Variants in TMEFF2 observed in about 807,000 individuals in gnomAD.
The protein encoded by TMEFF2 is transmembrane protein with EGF like and two follistatin like domains 2.
TMEFF2 carries 28 observed loss-of-function variants against 53.8 expected under a neutral mutation model. That is an observed-to-expected ratio of 0.52 (90% confidence interval 0.39 to 0.71). The LOEUF is 0.71. Among genes scored for constraint, TMEFF2 ranks in the 30% least tolerant of loss-of-function variants. The probability of loss-of-function intolerance (pLI) is 0.00; values close to 1 mark genes in which losing one functional copy is unlikely to be tolerated. For missense variants in TMEFF2, 353 were observed against 455.2 expected, an observed-to-expected ratio of 0.78 and a Z score of 2.04; for synonymous variants, 162 against 166.3, an observed-to-expected ratio of 0.97 and a Z score of 0.20.
At chr2:191,981,753 T>C (rs1262277213) in intron 7 of TMEFF2, among the ~76,000 whole-genome samples, 4 of 152,170 alleles carry the variant, frequency 2.6e-5, no homozygotes, top group Non-Finnish European at 5.9e-5. Flanking sequence ...CAAAAAGTCA[T>C]AACAAATATT....
rs2105784670 is a variant in TMEFF2, at chr2:191,953,882, CAT to C, written c.870-47_870-46del. 6.2e-5 allele frequency: 41 copies of C among 662,282 alleles called. No homozygotes were observed. In the South Asian group the frequency reaches 1.2e-3, roughly 19 times the overall value. The allele number at this position is 662,282 out of a possible 1,614,324, so 41.0% of individuals were successfully genotyped here. A position where few individuals can be genotyped will look rare whatever the true frequency, so the allele number is the denominator to read the frequency against. ...CCAGTTACCTGTAGGGTGCTGCATTCATTTTTTTTTTTTTTTTTTTTTTTTGA... is the reference window on the plus strand; with the variant it reads ...CCAGTTACCTGTAGGGTGCTGCATTCTTTTTTTTTTTTTTTTTTTTTTTGA... On this transcript the variant is annotated intron_variant, in intron 8 of 9. Coordinates refer to ENST00000272771, the MANE Select transcript of TMEFF2 (RefSeq NM_016192.4).
At chr2:192,101,517 A>G (rs7607912) in intron 4 of TMEFF2, among the ~76,000 whole-genome samples, 151,749 of 152,312 alleles carry the variant, frequency 1, 75,595 homozygotes, top group Middle Eastern at 1. Flanking sequence ...ACTCACTTTC[A>G]TGCCTAATTT....
Position 192,167,613 on chromosome 2 carries a change from G to C in TMEFF2, c.439+12055C>G, listed in dbSNP as rs1015696380. On this transcript the variant is annotated intron_variant, in intron 4 of 9. Coordinates refer to ENST00000272771, the MANE Select transcript of TMEFF2 (RefSeq NM_016192.4). ...TTGTTCTTTTACCTTCTTTTTCCAA[G>C]TTCTCCTTTTTATCCTCTACACTTA... Among the ~76,000 whole-genome samples the C allele has an allele frequency of 2.0e-5, 3 of 151,770 alleles. No homozygotes were observed. In the East Asian group the frequency reaches 5.8e-4, roughly 29 times the overall value.
chr2:192,167,116 C>T (rs10165928), intron 4 of TMEFF2, among the ~76,000 whole-genome samples: 85,284 of 151,926 alleles, frequency 0.56, 24,208 homozygotes, highest in East Asian at 0.63. Context: ...TTAAAAGTAC[C>T]GGAGTAGAAG....
intron 4 of TMEFF2, among the ~76,000 whole-genome samples, chr2:192,159,109 A>G (rs1690575071): frequency 6.6e-6 from 1 of 152,208 alleles, no homozygotes; most frequent in South Asian, 2.1e-4. Context: ...TGCTAAAAGC[A>G]TTGTAGATAA....
chr2:192,161,696 C>T (rs534665848), intron 4 of TMEFF2, among the ~76,000 whole-genome samples: 10 of 152,244 alleles, frequency 6.6e-5, no homozygotes, highest in African/African-American at 1.7e-4. Flanking sequence ...GCCATCCTTT[C>T]CCCAGTACAC....
chr2:192,179,527 G>A, intron 4 of TMEFF2, 141 bp downstream of exon 4: 1 of 835,082 alleles, frequency 1.2e-6, no homozygotes, highest in Non-Finnish European at 1.8e-6. Flanking sequence ...TTAATATGGT[G>A]ACAATTTTTT....
At chr2:192,114,979 G>C (rs1689367042) in intron 4 of TMEFF2, among the ~76,000 whole-genome samples, 1 of 151,836 alleles carries the variant, frequency 6.6e-6, no homozygotes, top group African/African-American at 2.4e-5. Flanking sequence ...TATAATCTTT[G>C]TCAACTAAAT....
chr2:192,165,603 A>G (rs1437499143), intron 4 of TMEFF2, among the ~76,000 whole-genome samples: 1 of 152,128 alleles, frequency 6.6e-6, no homozygotes, highest in Non-Finnish European at 1.5e-5. Context: ...TGTTTCTATA[A>G]TTACCCCCTT....
chr2:191,986,836 C>T (rs1160936963), intron 7 of TMEFF2, among the ~76,000 whole-genome samples: 21 of 135,832 alleles, frequency 1.5e-4, no homozygotes, highest in Admixed American at 4.1e-4. Context: ...CCAGGCTGGG[C>T]GACAGAGTGA....
intron 4 of TMEFF2, among the ~76,000 whole-genome samples, chr2:192,160,230 G>C (rs1431324062): frequency 6.6e-6 from 1 of 152,124 alleles, no homozygotes; most frequent in African/African-American, 2.4e-5. Flanking sequence ...CAATGTGAAG[G>C]CTGAAATATA....
At chr2:192,085,683 G>A (rs973310605) in intron 4 of TMEFF2, among the ~76,000 whole-genome samples, 1 of 147,518 alleles carries the variant, frequency 6.8e-6, no homozygotes, top group Non-Finnish European at 1.5e-5. Context: ...TATCTATGGA[G>A]ATAGAAAGTG....
At chr2:191,978,959 C>A (rs1472146961) in intron 7 of TMEFF2, among the ~76,000 whole-genome samples, 1 of 152,120 alleles carries the variant, frequency 6.6e-6, no homozygotes, top group Admixed American at 6.6e-5. Context: ...ATTAACTCCT[C>A]CAGGAGCTGG....
At chr2:192,034,121 G>A (rs1483156301) in intron 5 of TMEFF2, among the ~76,000 whole-genome samples, 1 of 145,804 alleles carries the variant, frequency 6.9e-6, no homozygotes, top group African/African-American at 2.6e-5. Flanking sequence ...CTTGCAGTGA[G>A]CCGAGATCGT....
At chr2:192,177,490 C>T (rs1026263534) in intron 4 of TMEFF2, 2 of 151,064 alleles carry the variant, frequency 1.3e-5, no homozygotes, top group East Asian at 3.9e-4. Flanking sequence ...AAAACCTGAT[C>T]AGTCTCTAAT....
chr2:192,053,266 C>A (rs1687818077), intron 5 of TMEFF2, among the ~76,000 whole-genome samples: 1 of 152,034 alleles, frequency 6.6e-6, no homozygotes, highest in South Asian at 2.1e-4. Context: ...TTATTCCCAT[C>A]TCCAGTGTGA....
chr2:192,112,971 C>A (rs1203015734), intron 4 of TMEFF2, among the ~76,000 whole-genome samples: 6 of 152,162 alleles, frequency 3.9e-5, no homozygotes, highest in South Asian at 4.1e-4. Flanking sequence ...CATTAAAATT[C>A]TTTTCCTTTA....
At chr2:192,152,340 AT>A (rs1353658439) in intron 4 of TMEFF2, among the ~76,000 whole-genome samples, 1 of 151,906 alleles carries the variant, frequency 6.6e-6, no homozygotes, top group African/African-American at 2.4e-5. Context: ...CAAATCAGAG[AT>A]TTCTCTTTAG....
intron 7 of TMEFF2, among the ~76,000 whole-genome samples, chr2:191,997,927 TTATTA>T (rs1389957150): frequency 6.6e-6 from 1 of 151,920 alleles, no homozygotes; most frequent in Non-Finnish European, 1.5e-5. Context: ...ACATTTGCAT[TTATTA>T]TAATATATTG....
Sources: allele counts gnomAD v4.1 joint callset (sites outside exome capture counted in the v4.1 genomes callset), GRCh38; gene constraint gnomAD v4.1.1; transcripts MANE v1.5; gene names NCBI Gene and HGNC (gene_info 2026-07-23, HGNC 2026-07-21).